PDE1A: variants seen among roughly 807,000 people sequenced by gnomAD.
The protein encoded by PDE1A is phosphodiesterase 1A.
Under a neutral mutation model 61.7 loss-of-function variants are expected in PDE1A, and 35 were observed. The ratio of observed to expected loss-of-function variants is 0.57; its 90% CI spans 0.43 to 0.75. The LOEUF is 0.75. PDE1A is among the 30% of genes least tolerant of loss of function. The pLI is 0.00. For missense variants in PDE1A, 597 were observed against 630.6 expected (o/e 0.95, Z 0.57); for synonymous variants, 232 against 213.2 (o/e 1.09, Z -0.77).
the PDE1A span, among the ~76,000 whole-genome samples, chr2:182,595,519 G>T: frequency 6.6e-6 from 1 of 152,170 alleles, no homozygotes; most frequent in Non-Finnish European, 1.5e-5. Context: ...ATAGGTCAAG[G>T]CTGAAAATGA....
At chr2:182,207,163 T>C (rs921659043) in intron 7 of PDE1A, among the ~76,000 whole-genome samples, 8 of 152,126 alleles carry the variant, frequency 5.3e-5, no homozygotes, top group Admixed American at 5.2e-4. Flanking sequence ...AAGAGGAAGA[T>C]ATGGGAAAGT....
At chr2:182,142,553 TAAG>T (rs1690277380), downstream of PDE1A, 5 of 152,272 alleles carry the variant, frequency 3.3e-5, no homozygotes, top group South Asian at 6.2e-4. Context: ...GCATTTAAAA[TAAG>T]AAGGACAATC....
At chr2:182,426,866 G>C in exon 1 of PDE1A, 1 of 1,310,608 alleles carries the variant, frequency 7.6e-7, no homozygotes, top group East Asian at 3.1e-5. Flanking sequence ...AGCAGGGTGT[G>C]CAAAAACCAC....
intron 1 of PDE1A, among the ~76,000 whole-genome samples, chr2:182,318,246 T>A (rs958844617): frequency 5.9e-5 from 9 of 152,074 alleles, no homozygotes; most frequent in African/African-American, 1.4e-4. Flanking sequence ...ATCCCTATAG[T>A]TTGTAACACA....
At chr2:182,568,045 T>C in the PDE1A span, among the ~76,000 whole-genome samples, 1 of 152,052 alleles carries the variant, frequency 6.6e-6, no homozygotes, top group South Asian at 2.1e-4. Context: ...ATGATTCACC[T>C]GCCTCGGCCT....
At chr2:182,457,132 G>A (rs967123846) in intron 2 of PDE1A, among the ~76,000 whole-genome samples, 4 of 152,034 alleles carry the variant, frequency 2.6e-5, no homozygotes, top group Non-Finnish European at 4.4e-5. Flanking sequence ...GGCGAGGTGT[G>A]CTCCATCTCA....
intron 13 of PDE1A, among the ~76,000 whole-genome samples, chr2:182,177,135 GTCTAAAATTC>G (rs1372443945): frequency 6.6e-6 from 1 of 150,684 alleles, no homozygotes; most frequent in Non-Finnish European, 1.5e-5. Flanking sequence ...AAGGATATTG[GTCTAAAATTC>G]TCTTTTTTTG....
intron 1 of PDE1A, among the ~76,000 whole-genome samples, chr2:182,322,762 T>G (rs1574347156): frequency 6.6e-6 from 1 of 152,316 alleles, no homozygotes; most frequent in East Asian, 1.9e-4. Context: ...GTAAAAGAAT[T>G]TGTAGAACAC....
intron 1 of PDE1A, among the ~76,000 whole-genome samples, chr2:182,330,116 G>A (rs1574367333): frequency 6.6e-6 from 1 of 151,962 alleles, no homozygotes; most frequent in East Asian, 1.9e-4. Context: ...GGCTGAGGTG[G>A]GTGGATCACC....
At chr2:182,404,549 C>T (rs1446006850) in intron 1 of PDE1A, among the ~76,000 whole-genome samples, 1 of 152,148 alleles carries the variant, frequency 6.6e-6, no homozygotes, top group Non-Finnish European at 1.5e-5. Flanking sequence ...TGTAGTAATA[C>T]TTGGCACAAA....
intron 2 of PDE1A, among the ~76,000 whole-genome samples, chr2:182,253,920 GA>G (rs1691586621): frequency 6.6e-6 from 1 of 152,018 alleles, no homozygotes; most frequent in African/African-American, 2.4e-5. Context: ...AGGCATTTTT[GA>G]GAATTATATG....
At chr2:182,381,344 T>G (rs1285703561) in intron 1 of PDE1A, among the ~76,000 whole-genome samples, 1 of 152,144 alleles carries the variant, frequency 6.6e-6, no homozygotes, top group African/African-American at 2.4e-5. Flanking sequence ...ACATCTGAAT[T>G]CACTGTTGGG....
At chr2:182,298,863 G>C (rs553330620) in intron 1 of PDE1A, among the ~76,000 whole-genome samples, 16 of 151,868 alleles carry the variant, frequency 1.1e-4, no homozygotes, top group Non-Finnish European at 1.8e-4. Context: ...TATAAGTAAT[G>C]GAATATAAGG....
chr2:182,327,915 G>A (rs377549903), intron 1 of PDE1A, among the ~76,000 whole-genome samples: 1 of 152,312 alleles, frequency 6.6e-6, no homozygotes. Flanking sequence ...GAGAGGGAGC[G>A]ATGTCTGGAG....
At position 182,397,895 on chromosome 2, in the gene PDE1A, C is replaced by A. The variant is rs1398597016; in HGVS notation, c.53+28683G>T. Among the ~76,000 whole-genome samples the A allele has an allele frequency of 3.3e-5, 5 of 152,058 alleles. No individual in the cohort carries two copies. The East Asian group carries it at 7.7e-4, about 23-fold the overall frequency. ...GAGCTTGTAACAGTCTCCGCACTTA[C>A]AATTTATTTGGGGAGATGAAATTAA... On this transcript the variant is annotated intron_variant, in intron 1 of 13. Transcript: ENST00000351439.
chr2:182,537,914 G>A, the PDE1A span, among the ~76,000 whole-genome samples: 1 of 152,034 alleles, frequency 6.6e-6, no homozygotes, highest in Non-Finnish European at 1.5e-5. Context: ...GCTCTTGAAG[G>A]ATTTTGAACA....
chr2:182,638,968 C>A, the PDE1A span, among the ~76,000 whole-genome samples: 1 of 152,150 alleles, frequency 6.6e-6, no homozygotes, highest in Non-Finnish European at 1.5e-5. Context: ...TCTGAAGACA[C>A]CTCCTTTCAA....
chr2:182,184,007 G>GAGGAAAGA (rs1684986324), intron 13 of PDE1A, among the ~76,000 whole-genome samples: 1 of 134,616 alleles, frequency 7.4e-6, no homozygotes, highest in African/African-American at 2.9e-5. Flanking sequence ...GAAAGGAAGA[G>GAGGAAAGA]AAGAAAGAAA....
chr2:182,310,411 A>T (rs1472436815), intron 1 of PDE1A, among the ~76,000 whole-genome samples: 1 of 152,218 alleles, frequency 6.6e-6, no homozygotes, highest in Non-Finnish European at 1.5e-5. Context: ...CGTTGAAGGG[A>T]AATCATTGAA....
Sources: gnomAD v4.1 joint callset for allele counts (sites outside exome capture counted in the v4.1 genomes callset) on GRCh38, gnomAD v4.1.1 for gene constraint, MANE v1.5 for transcripts, NCBI Gene and HGNC (gene_info 2026-07-23, HGNC 2026-07-21) for gene names.